The following MCM9 variants were observed in gnomAD, a reference collection of about 807,000 sequenced individuals.
MCM9 encodes the protein DNA helicase MCM9.
MCM9 carries 55 observed loss-of-function variants against 72.8 expected under a neutral mutation model. The observed-to-expected ratio is 0.76, with a 90% confidence interval of 0.61 to 0.95. The LOEUF is 0.95. MCM9 is among the 40% of genes least tolerant of loss of function. The pLI is 0.00. For missense variants in MCM9, 1,279 were observed against 1,377.0 expected (o/e 0.93, Z 1.13); for synonymous variants, 480 against 503.4 (o/e 0.95, Z 0.62).
intron 8 of MCM9, among the ~76,000 whole-genome samples, chr6:118,891,331 G>A (rs1778927179): frequency 6.6e-6 from 1 of 152,130 alleles, no homozygotes; most frequent in Admixed American, 6.5e-5. Flanking sequence ...AAGATTAGAT[G>A]CTCAAATAAG....
Position 118,932,619 on chromosome 6 carries a change from T to G in MCM9, c.-28A>C. 1 of 984,716 alleles carries G rather than the reference T, an allele frequency of 1.0e-6. No homozygotes were observed. Among genetic ancestry groups the G allele is most frequent in the Non-Finnish European group, 1.2e-6 (1 of 829,278 alleles). 61.0% of individuals were successfully genotyped at this position (984,716 alleles called of 1,614,324 possible). ...CTGAAACACATACCATTAATCAGAC[T>G]GACAGCCAGTTCTGACATGAATAAT... On this transcript the variant is annotated 5_prime_UTR_variant, in exon 2 of 14. Transcript: ENST00000619706.
chr6:118,926,278 T>C (rs759829704), intron 3 of MCM9, among the ~76,000 whole-genome samples: 1 of 152,212 alleles, frequency 6.6e-6, no homozygotes, highest in Non-Finnish European at 1.5e-5. Context: ...CTGAACATCA[T>C]AGCTTAGCCT....
At chr6:118,871,411 T>C (rs774424875) in intron 8 of MCM9, among the ~76,000 whole-genome samples, 15 of 152,146 alleles carry the variant, frequency 9.9e-5, no homozygotes, top group Non-Finnish European at 2.1e-4. Context: ...CAAAAAACAT[T>C]TGACAAAAGT....
chr6:118,930,394 G>T lies in MCM9; in HGVS notation c.304+1026C>A, dbSNP rs200813303. On this transcript the variant is annotated intron_variant, in intron 3 of 13. Coordinates refer to ENST00000619706, the MANE Select transcript of MCM9 (RefSeq NM_017696.3). ...CCCAAAGTGCTGGGATTACAGGCGTGAGCCACCGCGCCCGGCTGCTAAATA... is the reference window on the plus strand; with the variant it reads ...CCCAAAGTGCTGGGATTACAGGCGTTAGCCACCGCGCCCGGCTGCTAAATA... 2.0e-5 allele frequency among the ~76,000 whole-genome samples: 3 copies of T among 152,322 alleles called. No homozygotes were observed. In the South Asian group the frequency reaches 6.2e-4, roughly 32 times the overall value.
intron 13 of MCM9, among the ~76,000 whole-genome samples, chr6:118,820,393 T>C (rs978468400): frequency 6.6e-6 from 1 of 152,130 alleles, no homozygotes; most frequent in Admixed American, 6.5e-5. Context: ...AGTAGTCATT[T>C]GGGAGCAGGC....
intron 8 of MCM9, among the ~76,000 whole-genome samples, chr6:118,879,098 A>T (rs1363044809): frequency 6.6e-6 from 1 of 152,172 alleles, no homozygotes; most frequent in Non-Finnish European, 1.5e-5. Flanking sequence ...AGAAGGCAGA[A>T]ATGGAGGAAT....
At chr6:118,850,067 TA>T (rs1776124103) in intron 9 of MCM9, among the ~76,000 whole-genome samples, 2 of 151,990 alleles carry the variant, frequency 1.3e-5, no homozygotes, top group South Asian at 4.1e-4. Context: ...ATAAAAAAGG[TA>T]AAAACAGCAA....
intron 8 of MCM9, chr6:118,894,223 A>T: frequency 7.1e-7 from 1 of 1,414,410 alleles, no homozygotes; most frequent in Admixed American, 2.9e-5. Context: ...GTTTAGTGAA[A>T]TAGGAAAGCT....
chr6:118,906,865 G>A lies in MCM9; in HGVS notation c.1150+4785C>T, dbSNP rs1054652903. 6.6e-5 allele frequency among the ~76,000 whole-genome samples: 10 copies of A among 152,110 alleles called. No homozygotes were observed. The East Asian group carries it at 7.7e-4, about 12-fold the overall frequency. On this transcript the variant is annotated intron_variant, in intron 8 of 13. Coordinates refer to ENST00000619706, the MANE Select transcript of MCM9 (RefSeq NM_017696.3). ...TCATGTTCTTTCTGATAATAAGGCC[G>A]GACTATTTTTCACCCTTGTTGTACC...
chr6:118,827,874 C>T, intron 11 of MCM9, 53 bp downstream of exon 11: 3 of 1,506,684 alleles, frequency 2.0e-6, no homozygotes, highest in Non-Finnish European at 2.7e-6. Flanking sequence ...AAGCCCCATG[C>T]CTTGCACACA....
At position 118,893,497 on chromosome 6, in the gene MCM9, G is replaced by C. The variant is rs150232544; in HGVS notation, c.1150+18153C>G. On this transcript the variant is annotated intron_variant, in intron 8 of 13. Transcript: ENST00000619706. ...TCTGGACTCCGAAGAAGACGCCCAG[G>C]TGCAAGCCCAAAGGTTACCTATTTA... 6.5e-3 allele frequency among the ~76,000 whole-genome samples: 990 copies of C among 152,108 alleles called. 6 individuals are homozygous for C. Among genetic ancestry groups the C allele is most frequent in the Middle Eastern group, 0.027 (8 of 294 alleles).
chr6:118,871,975 G>A (rs986000899), intron 8 of MCM9, among the ~76,000 whole-genome samples: 1 of 151,988 alleles, frequency 6.6e-6, no homozygotes, highest in Non-Finnish European at 1.5e-5. Flanking sequence ...AATCTTAAAG[G>A]ATGGAAATCA....
At chr6:118,929,173 T>C (rs1183061149) in intron 3 of MCM9, among the ~76,000 whole-genome samples, 1 of 152,184 alleles carries the variant, frequency 6.6e-6, no homozygotes, top group Admixed American at 6.5e-5. Context: ...TGAGACAAGA[T>C]TGCATCACTG....
At chr6:118,833,589 T>C (rs1774742643) in intron 9 of MCM9, among the ~76,000 whole-genome samples, 1 of 152,034 alleles carries the variant, frequency 6.6e-6, no homozygotes, top group Non-Finnish European at 1.5e-5. Context: ...CAATGGAAAA[T>C]TGTTCAGTCT....
Position 118,815,657 on chromosome 6 carries a change from G to A in MCM9, c.2599C>T (p.Pro867Ser), listed in dbSNP as rs1420110586. 1 of 1,549,892 alleles carries A rather than the reference G, an allele frequency of 6.5e-7. No individual in the cohort carries two copies. The highest frequency in any genetic ancestry group is 8.7e-7 in the Non-Finnish European group (1 of 1,146,836). ...QKLCRNSTRV[P>S]AQCTVPSHPQ... ...TGGGAAGGGACTGTGCACTGTGCAG[G>A]CACCCTGGTGCTATTTCTGCACAAC... The change falls in exon 14 of 14, where the codon CCT becomes TCT. Residue 867 changes from proline (P) to serine (S), a missense_variant. Pro to Ser is a moderately conservative substitution (Grantham distance 74, BLOSUM62 -1). Coordinates refer to ENST00000619706, the MANE Select transcript of MCM9 (RefSeq NM_017696.3).
Position 118,931,480 on chromosome 6 carries a change from G to A in MCM9, c.244C>T (p.Gln82Ter). ...ACAGCCTCAGGCTGAGAAAGGGACT[G>A]GAGAATTGTCAAGGCTGACCTTCGC... ...ALRRSALTIL[Q>*]SLSQPEAVSM... The change falls in exon 3 of 14, where the codon CAG becomes TAG. Residue 82 changes from glutamine (Q) to a stop codon, truncating the protein, a stop_gained. Transcript: ENST00000619706. LOFTEE classifies it high-confidence loss of function. The A allele has an allele frequency of 6.2e-7, 1 of 1,614,148 alleles. No individual in the cohort carries two copies. The highest frequency in any genetic ancestry group is 8.5e-7 in the Non-Finnish European group (1 of 1,180,006).
chr6:118,819,718 T>C (rs1583321284), intron 13 of MCM9, among the ~76,000 whole-genome samples: 1 of 152,236 alleles, frequency 6.6e-6, no homozygotes, highest in African/African-American at 2.4e-5. Flanking sequence ...TTTGTACCTC[T>C]GGTAGAATTT....
At chr6:118,933,951 T>C (rs1477295217) in intron 1 of MCM9, among the ~76,000 whole-genome samples, 1 of 134,440 alleles carries the variant, frequency 7.4e-6, no homozygotes, top group Non-Finnish European at 1.5e-5. Flanking sequence ...ATCTCCACAA[T>C]GTGGACTTTG....
chr6:118,850,657 T>C (rs1451784226), intron 9 of MCM9, among the ~76,000 whole-genome samples: 1 of 151,848 alleles, frequency 6.6e-6, no homozygotes, highest in Non-Finnish European at 1.5e-5. Context: ...TTGGTATTTG[T>C]TGTCCTGAGT....
Sources: allele counts gnomAD v4.1 joint callset (sites outside exome capture counted in the v4.1 genomes callset), GRCh38; gene constraint gnomAD v4.1.1; transcripts MANE v1.5; gene names NCBI Gene and HGNC (gene_info 2026-07-23, HGNC 2026-07-21).